The following EIF2B3 variants were observed in gnomAD, a reference collection of about 807,000 sequenced individuals.
EIF2B3 encodes eukaryotic translation initiation factor 2B subunit gamma.
In EIF2B3, 20 loss-of-function variants were observed where a neutral mutation model predicts 54.1. That is an observed-to-expected ratio of 0.37 (90% CI 0.26 to 0.54). EIF2B3 has a LOEUF of 0.54. Among genes scored for constraint, EIF2B3 ranks in the 20% least tolerant of loss-of-function variants. The pLI is 0.86. For missense variants in EIF2B3, 448 were observed against 547.8 expected (o/e 0.82, Z 1.82); for synonymous variants, 153 against 188.1 (o/e 0.81, Z 1.52).
chr1:44,852,279 G>T (rs1654296863), intron 11 of EIF2B3, among the ~76,000 whole-genome samples: 1 of 151,700 alleles, frequency 6.6e-6, no homozygotes, highest in Admixed American at 6.6e-5. Flanking sequence ...TTATACCTTT[G>T]AACTTTGGCA....
intron 2 of EIF2B3, among the ~76,000 whole-genome samples, chr1:44,979,761 C>T (rs1319829464): frequency 6.6e-6 from 1 of 152,050 alleles, no homozygotes; most frequent in African/African-American, 2.4e-5. Flanking sequence ...GTCAGAAGTT[C>T]AAGACCAGCC....
At chr1:44,875,260 A>C (rs1655084241) in intron 9 of EIF2B3, among the ~76,000 whole-genome samples, 1 of 152,210 alleles carries the variant, frequency 6.6e-6, no homozygotes, top group Non-Finnish European at 1.5e-5. Context: ...TGTAGGACCC[A>C]TACCAGATAA....
intron 5 of EIF2B3, among the ~76,000 whole-genome samples, chr1:44,906,464 G>C (rs548161032): frequency 6.6e-6 from 1 of 152,164 alleles, no homozygotes; most frequent in Non-Finnish European, 1.5e-5. Context: ...GCAGTGGCAC[G>C]ATCTCGACTC....
At chr1:44,886,546 A>G (rs999549535) in intron 6 of EIF2B3, among the ~76,000 whole-genome samples, 2 of 152,258 alleles carry the variant, frequency 1.3e-5, no homozygotes, top group Non-Finnish European at 2.9e-5. Flanking sequence ...TCATACTTCT[A>G]TATTTGAGTC....
At chr1:44,897,519 A>C (rs1656013220) in intron 5 of EIF2B3, 75 bp from the exon 6 acceptor site, 1 of 1,204,034 alleles carries the variant, frequency 8.3e-7, no homozygotes, top group Non-Finnish European at 1.2e-6. Context: ...TTCTATTATC[A>C]GGTAGTAGGC....
At chr1:44,856,868 G>T (rs1490497054) in intron 11 of EIF2B3, among the ~76,000 whole-genome samples, 1 of 152,108 alleles carries the variant, frequency 6.6e-6, no homozygotes, top group East Asian at 1.9e-4. Flanking sequence ...GCAGTGGTGC[G>T]ATCTCAGCTC....
chr1:44,893,734 A>G (rs1476252462), intron 6 of EIF2B3, among the ~76,000 whole-genome samples: 1 of 152,126 alleles, frequency 6.6e-6, no homozygotes, highest in Non-Finnish European at 1.5e-5. Context: ...TTCTAACACT[A>G]TAAGAGGCTG....
intron 10 of EIF2B3, among the ~76,000 whole-genome samples, chr1:44,867,842 C>T (rs1251680174): frequency 1.3e-5 from 2 of 148,302 alleles, no homozygotes; most frequent in African/African-American, 2.5e-5. Flanking sequence ...AGTAGCCAGC[C>T]TAGGCAACAC....
intron 6 of EIF2B3, among the ~76,000 whole-genome samples, chr1:44,882,538 G>A (rs535937181): frequency 2.6e-4 from 40 of 151,678 alleles, no homozygotes; most frequent in Middle Eastern, 6.8e-3. Context: ...TGCCTCCCAG[G>A]TTCAAGTGAT....
chr1:44,958,663 A>G lies in EIF2B3; in HGVS notation c.295-16998T>C, dbSNP rs1368545537. 2.1e-5 allele frequency: 33 copies of G among 1,593,668 alleles called. No individual in the cohort carries two copies. The East Asian group carries it at 7.4e-4, about 36-fold the overall frequency. ...TGCTCTCACATATTCTGTGATCAGC[A>G]TGGCAGTGGTGAGTTTAGTCGCTCA... is the stretch of plus-strand genomic sequence containing the variant. On this transcript the variant is annotated intron_variant, in intron 3 of 11. Transcript: ENST00000360403.
chr1:44,889,023 G>A (rs1655702004), intron 6 of EIF2B3, among the ~76,000 whole-genome samples: 1 of 152,220 alleles, frequency 6.6e-6, no homozygotes, highest in Non-Finnish European at 1.5e-5. Context: ...ACTTTTCACA[G>A]TGATGCCCTG....
At chr1:44,892,367 C>T (rs535816802) in intron 6 of EIF2B3, among the ~76,000 whole-genome samples, 1 of 151,866 alleles carries the variant, frequency 6.6e-6, no homozygotes, top group Non-Finnish European at 1.5e-5. Context: ...ATCTCTTGAG[C>T]CGAGGAGTTT....
At chr1:44,926,217 G>A (rs1164029966) in intron 5 of EIF2B3, among the ~76,000 whole-genome samples, 1 of 152,076 alleles carries the variant, frequency 6.6e-6, no homozygotes, top group African/African-American at 2.4e-5. Context: ...GACAGAGTGA[G>A]ACTCAGTCTC....
At position 44,978,374 on chromosome 1, in the gene EIF2B3, G is replaced by T. The variant is rs1644474514; in HGVS notation, c.235C>A (p.Pro79Thr). ...GCAGTTCCCATGTCAGCGTCATCAG[G>T]AATACACACAATATCTGGCTTCATT... ...MKMKPDIVCI[P>T]DDADMGTADS... Residue 79 changes from proline to threonine, a missense_variant, in exon 3 of 12, where the codon CCT becomes ACT. This residue lies in a region of EIF2B3 where 95 missense variants were observed against 115.7 expected (regional missense o/e 0.82). Transcript: ENST00000360403. The T allele has an allele frequency of 6.2e-7, 1 of 1,613,850 alleles. No individual in the cohort carries two copies. Among genetic ancestry groups the T allele is most frequent in the Admixed American group, 1.7e-5 (1 of 59,986 alleles).
At chr1:44,900,534 C>G (rs997120938) in intron 5 of EIF2B3, among the ~76,000 whole-genome samples, 3 of 151,368 alleles carry the variant, frequency 2.0e-5, no homozygotes, top group African/African-American at 7.3e-5. Flanking sequence ...GAAAAAATAC[C>G]TGTTTTGTTC....
intron 3 of EIF2B3, among the ~76,000 whole-genome samples, chr1:44,966,373 A>T (rs1412301433): frequency 6.7e-6 from 1 of 149,006 alleles, no homozygotes; most frequent in Non-Finnish European, 1.5e-5. Context: ...TGGGGGGCGG[A>T]GCTTGCAGTG....
Position 44,967,419 on chromosome 1 carries a change from C to T in EIF2B3, c.294+10896G>A, listed in dbSNP as rs149457409. Among the ~76,000 whole-genome samples, 1,060 of 146,394 alleles carry T rather than the reference C, an allele frequency of 7.2e-3. 13 individuals are homozygous for T. Among genetic ancestry groups the T allele is most frequent in the African/African-American group, 0.025 (1,004 of 39,502 alleles). ...CCGAGATCCCACCACTGCACTCCAG[C>T]GTGGGCAACAGAGCGAGACTCTGTC... On this transcript the variant is annotated intron_variant, in intron 3 of 11. Transcript: ENST00000360403.
intron 6 of EIF2B3, among the ~76,000 whole-genome samples, chr1:44,894,087 A>T (rs1655888692): frequency 6.6e-6 from 1 of 152,298 alleles, no homozygotes; most frequent in East Asian, 1.9e-4. Flanking sequence ...TAGATCTCCT[A>T]AGAGATCAGC....
chr1:44,915,326 T>C (rs970563074), intron 5 of EIF2B3, among the ~76,000 whole-genome samples: 9 of 152,058 alleles, frequency 5.9e-5, no homozygotes, highest in Admixed American at 5.2e-4. Flanking sequence ...TATTATTATT[T>C]TTTGAGATAG....
Sources: gnomAD v4.1 joint callset for allele counts (sites outside exome capture counted in the v4.1 genomes callset) on GRCh38, gnomAD v4.1.1 for gene constraint, gnomAD v4.1.1 regional missense constraint, MANE v1.5 for transcripts, NCBI Gene and HGNC (gene_info 2026-07-23, HGNC 2026-07-21) for gene names.